The following ATP10B variants were observed in gnomAD, a reference collection of about 807,000 sequenced individuals.
The protein encoded by ATP10B is phospholipid-transporting ATPase VB.
A neutral mutation model predicts 141.2 loss-of-function variants in ATP10B; 122 were observed. The observed-to-expected ratio is 0.86, with a 90% CI of 0.75 to 1.00. The LOEUF is 1.00. Ranked by LOEUF, ATP10B falls within the 50% of genes least tolerant of loss-of-function variation. The pLI is 0.00. For missense variants in ATP10B, 1,876 were observed against 1,825.3 expected, an observed-to-expected ratio of 1.03 and a Z score of -0.51; for synonymous variants, 685 against 692.0, an observed-to-expected ratio of 0.99 and a Z score of 0.16.
At chr5:160,755,323 C>T (rs1768447115) in intron 2 of ATP10B, among the ~76,000 whole-genome samples, 1 of 152,058 alleles carries the variant, frequency 6.6e-6, no homozygotes, top group Non-Finnish European at 1.5e-5. Context: ...TCCACCAGGC[C>T]CCTCCAATTC....
At chr5:160,871,835 C>A in the ATP10B span, among the ~76,000 whole-genome samples, 1 of 151,896 alleles carries the variant, frequency 6.6e-6, no homozygotes, top group Non-Finnish European at 1.5e-5. Context: ...AATGTGTGTG[C>A]GTTTTTTTAT....
intron 19 of ATP10B, among the ~76,000 whole-genome samples, chr5:160,604,802 TGTCCAATA>T (rs1757292957): frequency 6.6e-6 from 1 of 152,188 alleles, no homozygotes. Flanking sequence ...ATATCTGCAC[TGTCCAATA>T]TAGAAACCAG....
chr5:160,663,696 G>T (rs539113978), intron 7 of ATP10B, among the ~76,000 whole-genome samples: 138 of 151,650 alleles, frequency 9.1e-4, no homozygotes, highest in African/African-American at 2.5e-3. Context: ...GCTAAATGAC[G>T]AGTTAATGGG....
intron 6 of ATP10B, among the ~76,000 whole-genome samples, chr5:160,672,545 T>A (rs1472661931): frequency 6.6e-6 from 1 of 152,186 alleles, no homozygotes; most frequent in East Asian, 1.9e-4. Context: ...TTTGGAAATG[T>A]CCCGCTTTAA....
chr5:160,593,848 G>C (rs1038620642), intron 22 of ATP10B, among the ~76,000 whole-genome samples: 29 of 152,136 alleles, frequency 1.9e-4, no homozygotes, highest in African/African-American at 7.0e-4. Context: ...AGAATAAAAA[G>C]AAACAAACAA....
intron 1 of ATP10B, among the ~76,000 whole-genome samples, chr5:160,794,783 C>A (rs1004730330): frequency 3.3e-5 from 5 of 152,182 alleles, no homozygotes; most frequent in African/African-American, 1.2e-4. Flanking sequence ...TTTCACAGAC[C>A]TTTTCTTATT....
At chr5:160,655,006 T>C (rs1167046393) in intron 7 of ATP10B, among the ~76,000 whole-genome samples, 1 of 152,190 alleles carries the variant, frequency 6.6e-6, no homozygotes, top group Non-Finnish European at 1.5e-5. Context: ...CACAGTGTTA[T>C]TTGGATGCAC....
intron 1 of ATP10B, among the ~76,000 whole-genome samples, chr5:160,826,010 A>G (rs1774574607): frequency 6.6e-6 from 1 of 152,220 alleles, no homozygotes; most frequent in Non-Finnish European, 1.5e-5. Flanking sequence ...ATGGCTGCAT[A>G]GTATTCCATG....
chr5:160,651,435 T>G (rs1466432190), intron 7 of ATP10B, among the ~76,000 whole-genome samples: 2 of 152,148 alleles, frequency 1.3e-5, no homozygotes, highest in East Asian at 1.9e-4. Context: ...GTTCAACTCA[T>G]GAGCCTTCGT....
chr5:160,873,664 T>C, the ATP10B span, among the ~76,000 whole-genome samples: 11 of 152,114 alleles, frequency 7.2e-5, no homozygotes, highest in African/African-American at 2.4e-4. Context: ...TGGACGCAGG[T>C]CAGTGGGTGC....
intron 1 of ATP10B, among the ~76,000 whole-genome samples, chr5:160,801,247 A>G (rs917802225): frequency 1.3e-5 from 2 of 152,122 alleles, no homozygotes; most frequent in Non-Finnish European, 2.9e-5. Flanking sequence ...AATACTGCAG[A>G]TACTGTCCCT....
intron 7 of ATP10B, among the ~76,000 whole-genome samples, chr5:160,666,616 T>A (rs1762332667): frequency 6.6e-6 from 1 of 152,200 alleles, no homozygotes. Flanking sequence ...TTCTTGCAAC[T>A]CTCATCAACA....
At chr5:160,773,936 G>A (rs1436078041) in intron 2 of ATP10B, among the ~76,000 whole-genome samples, 1 of 152,170 alleles carries the variant, frequency 6.6e-6, no homozygotes, top group African/African-American at 2.4e-5. Flanking sequence ...TGGTGGCTCT[G>A]AAAGCTCATG....
chr5:160,652,360 C>T (rs1454689325), intron 7 of ATP10B, among the ~76,000 whole-genome samples: 4 of 151,862 alleles, frequency 2.6e-5, no homozygotes, highest in Non-Finnish European at 5.9e-5. Context: ...TGCTGTATTT[C>T]CCTCCAGGGC....
chr5:160,777,153 A>G (rs1376071041), intron 2 of ATP10B, among the ~76,000 whole-genome samples: 2 of 152,358 alleles, frequency 1.3e-5, no homozygotes, highest in African/African-American at 2.4e-5. Context: ...ATTCAGAGCT[A>G]TGGAAGGGAT....
At chr5:160,853,367 C>A (rs1471258695), upstream of ATP10B, among the ~76,000 whole-genome samples, 1 of 152,074 alleles carries the variant, frequency 6.6e-6, no homozygotes, top group Non-Finnish European at 1.5e-5. Context: ...TAGTGGGTAA[C>A]TGGAGGTTAT....
At chr5:160,635,873 G>C (rs937363529) in intron 11 of ATP10B, among the ~76,000 whole-genome samples, 2 of 152,084 alleles carry the variant, frequency 1.3e-5, no homozygotes, top group African/African-American at 4.8e-5. Flanking sequence ...GATCATTCAT[G>C]TTTTATCTGT....
intron 2 of ATP10B, among the ~76,000 whole-genome samples, chr5:160,745,726 A>G (rs1290012672): frequency 6.6e-6 from 1 of 152,226 alleles, no homozygotes; most frequent in Non-Finnish European, 1.5e-5. Context: ...GACCTTGGCA[A>G]GCTATGGAAT....
intron 9 of ATP10B, among the ~76,000 whole-genome samples, chr5:160,642,543 G>A (rs1277676968): frequency 6.6e-6 from 1 of 152,132 alleles, no homozygotes; most frequent in Non-Finnish European, 1.5e-5. Flanking sequence ...GGGTGCTAAT[G>A]CATCTTGTGG....
Sources: allele counts gnomAD v4.1 joint callset (sites outside exome capture counted in the v4.1 genomes callset), GRCh38; gene constraint gnomAD v4.1.1; transcripts MANE v1.5; gene names NCBI Gene and HGNC (gene_info 2026-07-23, HGNC 2026-07-21).